Variants in SMAD4 observed in about 807,000 individuals in gnomAD.
SMAD4 encodes the protein MAD homolog 4.
Under a neutral mutation model 63.2 loss-of-function variants are expected in SMAD4, and 7 were observed. The ratio of observed to expected loss-of-function variants is 0.11; its 90% confidence interval spans 0.06 to 0.21. The LOEUF is 0.21. Ranked by LOEUF, SMAD4 falls within the 10% of genes least tolerant of loss-of-function variation. The pLI, the probability that SMAD4 is intolerant of heterozygous loss-of-function variation, is 1.00. For missense variants in SMAD4, 312 were observed against 693.8 expected (o/e 0.45, Z 6.18); for synonymous variants, 215 against 235.4 (o/e 0.91, Z 0.79).
At chr18:51,076,812 T>TA (rs564354225) in intron 11 of SMAD4, 36 bp downstream of exon 11, 18 of 1,476,000 alleles carry the variant, frequency 1.2e-5, no homozygotes, top group Non-Finnish European at 1.7e-5. Flanking sequence ...AAAGGTATAA[T>TA]AGTTGATATT....
chr18:51,065,209 G>A (rs534828699), intron 8 of SMAD4, among the ~76,000 whole-genome samples: 2 of 152,146 alleles, frequency 1.3e-5, no homozygotes, highest in Admixed American at 6.5e-5. Flanking sequence ...AGTGTTTTAA[G>A]AACAGTGCTA....
At chr18:51,031,950 A>T (rs954030049) in intron 1 of SMAD4, among the ~76,000 whole-genome samples, 1 of 152,210 alleles carries the variant, frequency 6.6e-6, no homozygotes, top group Admixed American at 6.5e-5. Flanking sequence ...TGATTAGTAC[A>T]TAATATTCCA....
At chr18:51,045,250 G>C (rs553100779) in intron 1 of SMAD4, among the ~76,000 whole-genome samples, 1 of 152,272 alleles carries the variant, frequency 6.6e-6, no homozygotes, top group South Asian at 2.1e-4. Context: ...TTTAACAAAG[G>C]TCTTCAGAAG....
At chr18:51,077,917 C>T (rs921324740) in intron 11 of SMAD4, among the ~76,000 whole-genome samples, 7 of 152,142 alleles carry the variant, frequency 4.6e-5, no homozygotes, top group African/African-American at 1.7e-4. Flanking sequence ...TTAGAAGCAA[C>T]CTGTGGACAC....
chr18:51,056,226 T>C (rs1909841237), intron 5 of SMAD4, among the ~76,000 whole-genome samples: 1 of 152,162 alleles, frequency 6.6e-6, no homozygotes, highest in African/African-American at 2.4e-5. Context: ...TGAACGTAGA[T>C]TAGTGCTAGA....
intron 1 of SMAD4, among the ~76,000 whole-genome samples, chr18:51,032,651 A>G (rs1392279850): frequency 2.6e-5 from 4 of 152,134 alleles, no homozygotes; most frequent in Non-Finnish European, 4.4e-5. Context: ...TATGCTGCCC[A>G]GTCACACTCC....
At chr18:51,031,380 C>T (rs1909046195) in intron 1 of SMAD4, among the ~76,000 whole-genome samples, 1 of 152,174 alleles carries the variant, frequency 6.6e-6, no homozygotes, top group Non-Finnish European at 1.5e-5. Context: ...TTTGCTGGTG[C>T]AGAGGCTTTA....
At position 51,048,571 on chromosome 18, in the gene SMAD4, T is replaced by A. The variant is rs987103337; in HGVS notation, c.250-115T>A. 1.3e-5 allele frequency: 12 copies of A among 934,114 alleles called. No homozygotes were observed. In the East Asian group the frequency reaches 2.9e-4, roughly 22 times the overall value. 57.9% of individuals were successfully genotyped at this position (934,114 alleles called of 1,614,324 possible). A position where few individuals can be genotyped will look rare whatever the true frequency, so the allele number is the denominator to read the frequency against. ...GTTATTGTGAATTTTAGTTTTCTTATTTATGAAATGGGGATTGTAATACTG... is the reference window on the plus strand; with the variant it reads ...GTTATTGTGAATTTTAGTTTTCTTAATTATGAAATGGGGATTGTAATACTG... On this transcript the variant is annotated intron_variant, in intron 2 of 11. Transcript: ENST00000342988.
chr18:51,079,072 A>C lies in SMAD4; in HGVS notation c.*605A>C, dbSNP rs1910543316. 2 of 233,098 alleles carry C rather than the reference A, an allele frequency of 8.6e-6. No homozygotes were observed. Among genetic ancestry groups the C allele is most frequent in the Non-Finnish European group, 1.7e-5 (2 of 117,946 alleles). 14.4% of individuals were successfully genotyped at this position (233,098 alleles called of 1,614,324 possible). A position where few individuals can be genotyped will look rare whatever the true frequency, so the allele number is the denominator to read the frequency against. On this transcript the variant is annotated 3_prime_UTR_variant, in exon 12 of 12. Transcript: ENST00000342988. ...ATGGTTTCAATTCAGATTGTCTTGC[A>C]ACTTCAGTTTTATTTTTGCCAAGGC...
In SMAD4 at chr18:51,077,657, G is replaced by T. The variant is rs1214854412; in HGVS notation, c.1448-599G>T. Among the ~76,000 whole-genome samples the T allele has an allele frequency of 5.9e-5, 9 of 152,122 alleles. No individual in the cohort carries two copies. In the South Asian group the frequency reaches 1.0e-3, roughly 17 times the overall value. ...AGAATTTGATTTTTTAAAATTTGGG[G>T]TGATACCATTAATTTGCTGGTTTCA... On this transcript the variant is annotated intron_variant, in intron 11 of 11. Transcript: ENST00000342988.
At position 51,082,858 on chromosome 18, in the gene SMAD4, C is replaced by A; in HGVS notation, c.*4391C>A. ...TCTCTTTCTGATTCTTCATTTCTGA[C>A]TGCCTAGGCAAGGAAACCAGATAAC... On this transcript the variant is annotated 3_prime_UTR_variant, in exon 12 of 12. Transcript: ENST00000342988. 1 of 227,972 alleles carries A rather than the reference C, an allele frequency of 4.4e-6. No homozygotes were observed. Among genetic ancestry groups the A allele is most frequent in the Non-Finnish European group, 8.7e-6 (1 of 114,790 alleles). The allele number at this position is 227,972 out of a possible 1,614,324, so 14.1% of individuals were successfully genotyped here.
chr18:51,039,547 G>A (rs1336980307), intron 1 of SMAD4, among the ~76,000 whole-genome samples: 2 of 127,726 alleles, frequency 1.6e-5, no homozygotes, highest in Non-Finnish European at 3.1e-5. Flanking sequence ...TATGTCACTT[G>A]CCTGCCTTGC....
intron 1 of SMAD4, among the ~76,000 whole-genome samples, chr18:51,037,327 G>T (rs1909236775): frequency 6.6e-6 from 1 of 152,150 alleles, no homozygotes; most frequent in African/African-American, 2.4e-5. Context: ...ATATTTAAGG[G>T]GTTCACAAAA....
chr18:51,047,415 C>T (rs1490053834), intron 2 of SMAD4, 120 bp downstream of exon 2: 2 of 862,330 alleles, frequency 2.3e-6, no homozygotes, highest in African/African-American at 3.3e-5. Context: ...AGATACTGTG[C>T]ATCCTGTACA....
At chr18:51,032,761 G>A (rs1049936805) in intron 1 of SMAD4, among the ~76,000 whole-genome samples, 1 of 152,082 alleles carries the variant, frequency 6.6e-6, no homozygotes, top group Non-Finnish European at 1.5e-5. Context: ...TGAGGCCTCT[G>A]CTAGGGAGGT....
Position 51,033,596 on chromosome 18 carries a change from C to T in SMAD4, c.-128+2973C>T, listed in dbSNP as rs547031129. ...TAAAATGAGAAATTCAAACAGTTCA[C>T]AAATATATCTAGATATATTCATTTG... On this transcript the variant is annotated intron_variant, in intron 1 of 11. Coordinates refer to ENST00000342988, the MANE Select transcript of SMAD4 (RefSeq NM_005359.6). 7.9e-5 allele frequency among the ~76,000 whole-genome samples: 12 copies of T among 152,270 alleles called. No homozygotes were observed. In the South Asian group the frequency reaches 2.5e-3, roughly 32 times the overall value.
intron 1 of SMAD4, among the ~76,000 whole-genome samples, chr18:51,031,415 C>A (rs540157625): frequency 5.7e-4 from 87 of 152,322 alleles, no homozygotes; most frequent in African/African-American, 2.0e-3. Context: ...AGATTGATAG[C>A]TGTTTCCCTT....
intron 1 of SMAD4, among the ~76,000 whole-genome samples, chr18:51,034,948 G>T (rs1187297919): frequency 5.9e-5 from 9 of 152,158 alleles, no homozygotes; most frequent in Non-Finnish European, 8.8e-5. Context: ...GTTGGTCTAG[G>T]GTGCAGCCAG....
Position 51,083,461 on chromosome 18 carries a change from G to GTTTT in SMAD4, c.*5002_*5005dup. On this transcript the variant is annotated 3_prime_UTR_variant, in exon 12 of 12. Transcript: ENST00000342988. ...GAAACTTTTTGTCCTTTTTTTTTCTGTTTTTTTTTTTCTAATGTAGTAAGG... is the reference window on the plus strand; with the variant it reads ...GAAACTTTTTGTCCTTTTTTTTTCTGTTTTTTTTTTTTTTTCTAATGTAGTAAGG... The GTTTT allele has an allele frequency of 4.9e-6, 1 of 205,980 alleles. No individual in the cohort carries two copies. The highest frequency in any genetic ancestry group is 6.1e-5 in the Admixed American group (1 of 16,404). 12.8% of individuals were successfully genotyped at this position (205,980 alleles called of 1,614,324 possible).
Sources: allele counts gnomAD v4.1 joint callset (sites outside exome capture counted in the v4.1 genomes callset), GRCh38; gene constraint gnomAD v4.1.1; transcripts MANE v1.5; gene names NCBI Gene and HGNC (gene_info 2026-07-23, HGNC 2026-07-21).